Variants in MARCHF11 observed in about 807,000 individuals in gnomAD.
MARCHF11 encodes E3 ubiquitin-protein ligase MARCHF11.
A neutral mutation model predicts 37.3 loss-of-function variants in MARCHF11; 29 were observed. That is an observed-to-expected ratio of 0.78 (90% CI 0.58 to 1.06). The LOEUF (loss-of-function observed/expected upper bound fraction) is 1.06, where lower values mean the gene tolerates loss of function less well. Among genes scored for constraint, MARCHF11 ranks in the 50% least tolerant of loss-of-function variants. The probability of loss-of-function intolerance (pLI) is 0.00; values close to 1 mark genes in which losing one functional copy is unlikely to be tolerated. For missense variants in MARCHF11, 482 were observed against 533.4 expected, an observed-to-expected ratio of 0.90 and a Z score of 0.95; for synonymous variants, 233 against 228.0, an observed-to-expected ratio of 1.02 and a Z score of -0.20.
chr5:16,164,993 TC>T (rs986243649), intron 2 of MARCHF11, among the ~76,000 whole-genome samples: 32 of 152,156 alleles, frequency 2.1e-4, no homozygotes, highest in African/African-American at 7.2e-4. Flanking sequence ...TGAATGAAAC[TC>T]CAATTCCTCA....
chr5:16,174,047 T>C (rs556125415), intron 2 of MARCHF11, among the ~76,000 whole-genome samples: 1 of 152,222 alleles, frequency 6.6e-6, no homozygotes, highest in Non-Finnish European at 1.5e-5. Flanking sequence ...CTTTATCCCA[T>C]AAATGTTATC....
At chr5:16,171,534 T>C (rs1738264649) in intron 2 of MARCHF11, among the ~76,000 whole-genome samples, 1 of 152,134 alleles carries the variant, frequency 6.6e-6, no homozygotes, top group Non-Finnish European at 1.5e-5. Flanking sequence ...AAAAGAATAC[T>C]ATTTCCTGAC....
chr5:16,125,473 C>G (rs1737387639), intron 2 of MARCHF11, among the ~76,000 whole-genome samples: 1 of 152,140 alleles, frequency 6.6e-6, no homozygotes, highest in Non-Finnish European at 1.5e-5. Context: ...ATAGAATTAA[C>G]TTCCCAGTAA....
At chr5:16,137,104 C>A (rs1737621825) in intron 2 of MARCHF11, among the ~76,000 whole-genome samples, 1 of 151,850 alleles carries the variant, frequency 6.6e-6, no homozygotes, top group African/African-American at 2.4e-5. Context: ...GTAACTAAGC[C>A]CTCATTATGT....
chr5:16,114,864 T>C (rs1737204382), intron 2 of MARCHF11, among the ~76,000 whole-genome samples: 1 of 152,158 alleles, frequency 6.6e-6, no homozygotes, highest in African/African-American at 2.4e-5. Flanking sequence ...AGTATAGTTT[T>C]TGTATTTTTC....
Position 16,179,490 on chromosome 5 carries a change from GGCGGGGGAGGTT to G in MARCHF11, c.74_85del (p.Gln25_Pro28del). On this transcript the variant is annotated inframe_deletion, in exon 1 of 4. Coordinates refer to ENST00000332432, the MANE Select transcript of MARCHF11 (RefSeq NM_001102562.3). ...TCCCGGCGGCGGCGTCGGCGGCGGCGGCGGGGGAGGTTGCGGGGGAGGCTCGGCGTCCCCGCT... is the reference window on the plus strand; with the variant it reads ...TCCCGGCGGCGGCGTCGGCGGCGGCGGCGGGGGAGGCTCGGCGTCCCCGCT... 2 of 1,153,188 alleles carry G rather than the reference GGCGGGGGAGGTT, an allele frequency of 1.7e-6. No homozygotes were observed. The highest frequency in any genetic ancestry group is 4.1e-5 in the East Asian group (1 of 24,374). 71.4% of individuals were successfully genotyped at this position (1,153,188 alleles called of 1,614,324 possible).
chr5:16,166,760 T>C (rs933830351), intron 2 of MARCHF11, among the ~76,000 whole-genome samples: 1 of 152,040 alleles, frequency 6.6e-6, no homozygotes. Context: ...TATAAACTTA[T>C]GCTTAAGCAA....
At chr5:16,090,600 A>G (rs1736774341) in intron 3 of MARCHF11, among the ~76,000 whole-genome samples, 1 of 152,080 alleles carries the variant, frequency 6.6e-6, no homozygotes, top group Non-Finnish European at 1.5e-5. Context: ...CTATCCTTAT[A>G]TCACTCACTC....
chr5:16,103,784 T>C (rs1200452838), intron 2 of MARCHF11, among the ~76,000 whole-genome samples: 1 of 152,084 alleles, frequency 6.6e-6, no homozygotes, highest in Admixed American at 6.6e-5. Context: ...TCATGCCGCA[T>C]AAGAATTACT....
intron 2 of MARCHF11, among the ~76,000 whole-genome samples, chr5:16,159,315 T>C (rs968372607): frequency 1.3e-5 from 2 of 151,976 alleles, no homozygotes; most frequent in Non-Finnish European, 2.9e-5. Context: ...AACCCACAGT[T>C]AAATTGATTT....
chr5:16,144,180 C>T (rs1033085983), intron 2 of MARCHF11, among the ~76,000 whole-genome samples: 3 of 152,178 alleles, frequency 2.0e-5, no homozygotes, highest in Non-Finnish European at 2.9e-5. Flanking sequence ...GCACTTTATA[C>T]ACAGAAACAC....
At chr5:16,091,832 T>C (rs1736795189) in intron 2 of MARCHF11, among the ~76,000 whole-genome samples, 1 of 152,204 alleles carries the variant, frequency 6.6e-6, no homozygotes, top group Non-Finnish European at 1.5e-5. Flanking sequence ...GTACAAATGA[T>C]CAAAAATCCT....
chr5:16,179,034 C>T lies in MARCHF11; in HGVS notation c.537+5G>A, dbSNP rs953095345. 5.5e-6 allele frequency: 8 copies of T among 1,467,550 alleles called. No individual in the cohort carries two copies. Among genetic ancestry groups the T allele is most frequent in the Non-Finnish European group, 7.2e-6 (8 of 1,115,284 alleles). The allele number at this position is 1,467,550 out of a possible 1,614,324, so 90.9% of individuals were successfully genotyped here. A position where few individuals can be genotyped will look rare whatever the true frequency, so the allele number is the denominator to read the frequency against. ...CGGCTGCCTCGGGGTCTCGCCGGGCCTTACCTGCTCCGCGCCCTGGAAGCA... is the reference window on the plus strand; with the variant it reads ...CGGCTGCCTCGGGGTCTCGCCGGGCTTTACCTGCTCCGCGCCCTGGAAGCA... On this transcript the variant is annotated splice_donor_5th_base_variant and intron_variant, in intron 1 of 3. Coordinates refer to ENST00000332432, the MANE Select transcript of MARCHF11 (RefSeq NM_001102562.3).
intron 2 of MARCHF11, among the ~76,000 whole-genome samples, chr5:16,176,096 AT>A (rs5866175): frequency 0.026 from 3,761 of 146,816 alleles, 99 homozygotes; most frequent in African/African-American, 0.074. Flanking sequence ...AGTAAATAGT[AT>A]TTTTTTTTTT....
intron 2 of MARCHF11, among the ~76,000 whole-genome samples, chr5:16,108,592 G>A (rs1737085090): frequency 6.6e-6 from 1 of 152,060 alleles, no homozygotes; most frequent in Non-Finnish European, 1.5e-5. Flanking sequence ...AAAAGATGAG[G>A]CCCAGAGGAC....
intron 3 of MARCHF11, among the ~76,000 whole-genome samples, chr5:16,082,008 C>G (rs1261169046): frequency 6.6e-6 from 1 of 152,126 alleles, no homozygotes; most frequent in African/African-American, 2.4e-5. Context: ...CAGTGAACAT[C>G]AGTATGATTA....
intron 2 of MARCHF11, among the ~76,000 whole-genome samples, chr5:16,102,288 G>A (rs1560975151): frequency 6.6e-6 from 1 of 152,070 alleles, no homozygotes; most frequent in Non-Finnish European, 1.5e-5. Flanking sequence ...AAGTCACACT[G>A]TAAGATGACA....
intron 2 of MARCHF11, among the ~76,000 whole-genome samples, chr5:16,160,733 T>C (rs941322710): frequency 6.6e-6 from 1 of 151,912 alleles, no homozygotes; most frequent in African/African-American, 2.4e-5. Flanking sequence ...GAGAGACACC[T>C]TGGTTTTAAA....
At chr5:16,116,386 T>A (rs1202819743) in intron 2 of MARCHF11, among the ~76,000 whole-genome samples, 2 of 151,822 alleles carry the variant, frequency 1.3e-5, no homozygotes, top group African/African-American at 4.8e-5. Flanking sequence ...TAACAAGGAG[T>A]TGAGATTGCA....
Sources: gnomAD v4.1 joint callset for allele counts (sites outside exome capture counted in the v4.1 genomes callset) on GRCh38, gnomAD v4.1.1 for gene constraint, MANE v1.5 for transcripts, NCBI Gene and HGNC (gene_info 2026-07-23, HGNC 2026-07-21) for gene names.